The following VIPR2 variants were observed in gnomAD, a reference collection of about 807,000 sequenced individuals.
VIPR2 encodes vasoactive intestinal peptide receptor 2, also known as vasoactive intestinal polypeptide receptor 2.
A neutral mutation model predicts 58.0 loss-of-function variants in VIPR2; 48 were observed. That is an observed-to-expected ratio of 0.83 (90% CI 0.66 to 1.05). VIPR2 has a LOEUF of 1.05. Among genes scored for constraint, VIPR2 ranks in the 50% least tolerant of loss-of-function variants. VIPR2 has a pLI of 0.00. For synonymous variants in VIPR2, 243 were observed against 235.2 expected, an observed-to-expected ratio of 1.03 and a Z score of -0.30; for missense variants, 534 against 558.0, an observed-to-expected ratio of 0.96 and a Z score of 0.43.
rs189598361 is a variant in VIPR2 at position 159,135,891 on chromosome 7, A to C, written c.151+6555T>G. On this transcript the variant is annotated intron_variant, in intron 2 of 12. Coordinates refer to ENST00000262178, the MANE Select transcript of VIPR2 (RefSeq NM_003382.5). ...ATGTCAGCCGGACGGTTTAATTTCC[A>C]CTCATCCCACGACACGAGGCAACCC... Among the ~76,000 whole-genome samples, 61 of 152,190 alleles carry C rather than the reference A, an allele frequency of 4.0e-4. No individual in the cohort carries two copies. The East Asian group carries it at 0.011, about 27-fold the overall frequency.
chr7:159,096,884 G>A lies in VIPR2; in HGVS notation c.357+6873C>T, dbSNP rs760557796. On this transcript the variant is annotated intron_variant, in intron 4 of 12. Coordinates refer to ENST00000262178, the MANE Select transcript of VIPR2 (RefSeq NM_003382.5). The surrounding 1 kb of genome is among the most constrained non-coding windows in gnomAD (Gnocchi z 5.5). ...GTCCATGGCTGAGACCACCCTCTCT[G>A]TGGCCGCCTTGCTGTCCCCGTTCCC... is the stretch of plus-strand genomic sequence containing the variant. 3 of 1,549,032 alleles carry A rather than the reference G, an allele frequency of 1.9e-6. No homozygotes were observed. The South Asian group carries it at 3.6e-5, about 18-fold the overall frequency.
chr7:159,079,183 G>A lies in VIPR2; in HGVS notation c.358-20605C>T, dbSNP rs56732228. ...CTTCGCCCCAACCACGGCTCCACCC[G>A]CTCAGTGAGATTCCAAAATTGACCA... On this transcript the variant is annotated intron_variant, in intron 4 of 12. Transcript: ENST00000262178. Among the ~76,000 whole-genome samples the A allele has an allele frequency of 6.1e-3, 928 of 152,248 alleles. 5 individuals are homozygous for A. The highest frequency in any genetic ancestry group is 0.021 in the African/African-American group (890 of 41,540).
chr7:159,076,161 G>A (rs73730150), intron 4 of VIPR2, among the ~76,000 whole-genome samples: 4,016 of 152,198 alleles, frequency 0.026, 146 homozygotes, highest in African/African-American at 0.087. Flanking sequence ...GATCTTGTGC[G>A]TTTTTGGAAA....
intron 4 of VIPR2, among the ~76,000 whole-genome samples, chr7:159,071,155 A>C (rs1049040431): frequency 2.0e-5 from 3 of 152,252 alleles, no homozygotes; most frequent in Admixed American, 2.0e-4. Context: ...TCCTGTAATA[A>C]GCACCAATGT....
At position 159,127,667 on chromosome 7, in the gene VIPR2, T is replaced by C. The variant is rs1796705376; in HGVS notation, c.151+14779A>G. 6.6e-6 allele frequency among the ~76,000 whole-genome samples: 1 copy of C among 152,194 alleles called. No homozygotes were observed. Among genetic ancestry groups the C allele is most frequent in the Non-Finnish European group, 1.5e-5 (1 of 68,030 alleles). On this transcript the variant is annotated intron_variant, in intron 2 of 12. Transcript: ENST00000262178. The surrounding 1 kb of genome is among the most constrained non-coding windows in gnomAD (Gnocchi z 4.6). ...GTCCTCGGGGCCCTCAGCTTTGGCA[T>C]GTAAACGCATGTGGGCATCAGGAAA...
At chr7:159,131,795 A>AC (rs1796923671) in intron 2 of VIPR2, among the ~76,000 whole-genome samples, 1 of 152,180 alleles carries the variant, frequency 6.6e-6, no homozygotes, top group Non-Finnish European at 1.5e-5. Context: ...ACACCTGAAA[A>AC]ATTCCTGAGC....
chr7:159,098,539 C>A lies in VIPR2; in HGVS notation c.357+5218G>T, dbSNP rs1009493567. 2.0e-5 allele frequency among the ~76,000 whole-genome samples: 3 copies of A among 151,980 alleles called. No homozygotes were observed. The highest frequency in any genetic ancestry group is 7.2e-5 in the African/African-American group (3 of 41,392). Reference sequence around the variant, plus strand: ...AGGATCTGACTGCAGCAGGTGAGACCCCAAATAAAGGCCCAGACCATGGCC... The same window carrying A: ...AGGATCTGACTGCAGCAGGTGAGACACCAAATAAAGGCCCAGACCATGGCC... On this transcript the variant is annotated intron_variant, in intron 4 of 12. Coordinates refer to ENST00000262178, the MANE Select transcript of VIPR2 (RefSeq NM_003382.5). The surrounding 1 kb of genome is among the most constrained non-coding windows in gnomAD (Gnocchi z 5.2).
intron 4 of VIPR2, among the ~76,000 whole-genome samples, chr7:159,059,618 C>T (rs1855516775): frequency 6.6e-6 from 1 of 152,180 alleles, no homozygotes; most frequent in African/African-American, 2.4e-5. Flanking sequence ...GCCCTGCTTA[C>T]TTAGGACAGC....
intron 2 of VIPR2, among the ~76,000 whole-genome samples, chr7:159,133,030 T>TGGCATACCGATTGATTTGAGA (rs1214138766): frequency 7.0e-6 from 1 of 142,384 alleles, no homozygotes; most frequent in Non-Finnish European, 1.6e-5. Flanking sequence ...ACAGAATGAT[T>TGGCATACCGATTGATTTGAGA]CCAAAAATGC....
At chr7:159,041,224 G>T (rs1449163176) in intron 6 of VIPR2, among the ~76,000 whole-genome samples, 1 of 152,240 alleles carries the variant, frequency 6.6e-6, no homozygotes, top group African/African-American at 2.4e-5. Context: ...TGTGTGGGAG[G>T]CCAGGCCCTC....
At chr7:159,080,730 C>A (rs1399407147) in intron 4 of VIPR2, among the ~76,000 whole-genome samples, 1 of 152,146 alleles carries the variant, frequency 6.6e-6, no homozygotes, top group East Asian at 1.9e-4. Context: ...ATTGTCTCAG[C>A]CCAAAATCTC....
chr7:159,035,901 C>A, intron 8 of VIPR2, 51 bp downstream of exon 8: 1 of 1,594,762 alleles, frequency 6.3e-7, no homozygotes. Context: ...CTTCATGTTG[C>A]CAGATGTTGC....
chr7:159,117,194 A>C (rs1389308749), intron 2 of VIPR2: 1 of 647,532 alleles, frequency 1.5e-6, no homozygotes, highest in African/African-American at 1.8e-5. Context: ...CTTCTGGGTC[A>C]CTGCCCTTTC....
chr7:159,054,453 C>T (rs551087254), intron 5 of VIPR2, among the ~76,000 whole-genome samples: 42 of 152,178 alleles, frequency 2.8e-4, no homozygotes, highest in African/African-American at 9.6e-4. Flanking sequence ...ATGAAAGGCT[C>T]GAAGACTCCT....
chr7:159,136,602 G>T (rs1320079790), intron 2 of VIPR2, among the ~76,000 whole-genome samples: 1 of 152,090 alleles, frequency 6.6e-6, no homozygotes, highest in Non-Finnish European at 1.5e-5. Context: ...TGTGTGTGTG[G>T]TGAGCTGCAT....
chr7:159,125,849 G>A (rs895784416), intron 2 of VIPR2, among the ~76,000 whole-genome samples: 9 of 152,160 alleles, frequency 5.9e-5, no homozygotes, highest in African/African-American at 2.2e-4. Context: ...AGAGCTCAGG[G>A]GCTCATAGTT....
chr7:159,117,820 A>G (rs1171657927), intron 2 of VIPR2, among the ~76,000 whole-genome samples: 1 of 152,236 alleles, frequency 6.6e-6, no homozygotes, highest in African/African-American at 2.4e-5. Flanking sequence ...TGCTTCATCC[A>G]GACAGGGCTG....
In VIPR2 at chr7:159,103,741, C is replaced by T. The variant is rs1451802098; in HGVS notation, c.357+16G>A. 6.2e-7 allele frequency: 1 copy of T among 1,609,098 alleles called. No homozygotes were observed. Among genetic ancestry groups the T allele is most frequent in the African/African-American group, 1.3e-5 (1 of 74,812 alleles). On this transcript the variant is annotated intron_variant, in intron 4 of 12. Transcript: ENST00000262178. ...GAAGTGGAACCTCACCACCGTAGCA[C>T]CACGCAGGAGCCTACCTTGCTCTCA...
chr7:159,028,575 A>G lies in VIPR2; in HGVS notation c.*2041T>C, dbSNP rs533787011. The G allele has an allele frequency of 1.3e-5, 2 of 152,458 alleles. No individual in the cohort carries two copies. Among genetic ancestry groups the G allele is most frequent in the East Asian group, 1.9e-4 (1 of 5,194 alleles). The allele number at this position is 152,458 out of a possible 1,614,324, so 9.4% of individuals were successfully genotyped here. ...TGACCCAACACCTTCAGTTACCACAAATCTTTGTTTCCTCAAAAACCTGAG... is the reference window on the plus strand; with the variant it reads ...TGACCCAACACCTTCAGTTACCACAGATCTTTGTTTCCTCAAAAACCTGAG... On this transcript the variant is annotated 3_prime_UTR_variant, in exon 13 of 13. Transcript: ENST00000262178.
Sources: allele counts gnomAD v4.1 joint callset (sites outside exome capture counted in the v4.1 genomes callset), GRCh38; gene constraint gnomAD v4.1.1; non-coding constraint Gnocchi (gnomAD v3.1); transcripts MANE v1.5; gene names NCBI Gene and HGNC (gene_info 2026-07-23, HGNC 2026-07-21).